The following CAD variants were observed in gnomAD, a reference collection of about 807,000 sequenced individuals.
CAD encodes the protein carbamoyl-phosphate synthetase 2, aspartate transcarbamylase, and dihydroorotase, also known as multifunctional protein CAD.
In CAD, 81 loss-of-function variants were observed where a neutral mutation model predicts 237.2. The observed-to-expected ratio is 0.34, with a 90% CI of 0.29 to 0.41. CAD has a LOEUF of 0.41. Ranked by LOEUF, CAD falls within the 10% of genes least tolerant of loss-of-function variation. The pLI is 1.00. For missense variants in CAD, 2,181 were observed against 2,951.7 expected (o/e 0.74, Z 6.05); for synonymous variants, 1,196 against 1,162.8 (o/e 1.03, Z -0.58).
rs1676137698 is a variant in CAD at position 27,238,543 on chromosome 2, GGGA to G, written c.4976_4978del (p.Glu1659del). On this transcript the variant is annotated inframe_deletion, in exon 31 of 44. Transcript: ENST00000264705. ...CTGGAGCGCCTGGGGCCTGGGAAGG[GGGA>G]GGTCCGGCCTGAGCTTGGCTCCCGC... 12 of 1,614,110 alleles carry G rather than the reference GGGA, an allele frequency of 7.4e-6. No individual in the cohort carries two copies. The East Asian group carries it at 2.7e-4, about 36-fold the overall frequency.
At chr2:27,219,436 G>A (rs1024707679) in intron 2 of CAD, among the ~76,000 whole-genome samples, 11 of 151,870 alleles carry the variant, frequency 7.2e-5, no homozygotes, top group Admixed American at 7.2e-4. Context: ...TCTGCCACCT[G>A]AGCTCAAGTA....
intron 15 of CAD, among the ~76,000 whole-genome samples, chr2:27,229,603 C>T (rs940347775): frequency 4.6e-5 from 7 of 152,054 alleles, no homozygotes; most frequent in African/African-American, 1.7e-4. Flanking sequence ...ATGGGCCGGG[C>T]GCGGTGGCTC....
chr2:27,219,171 G>A (rs991860104), intron 2 of CAD, among the ~76,000 whole-genome samples: 1 of 152,208 alleles, frequency 6.6e-6, no homozygotes. Flanking sequence ...CACCTGGCCA[G>A]GGAGGGTTCT....
In CAD at chr2:27,243,206, T is replaced by G. The variant is rs779321274; in HGVS notation, c.6489T>G (p.Gly2163=). The G allele has an allele frequency of 6.2e-7, 1 of 1,613,940 alleles. No homozygotes were observed. Among genetic ancestry groups the G allele is most frequent in the Non-Finnish European group, 8.5e-7 (1 of 1,179,998 alleles). ...CCCCATCTGCTTTGCAGTGCTTTGG[T>G]CAGTTCATCCTCACTCCCCACATCA... The part of the protein sequence containing the change: ...GSTQEYEACF[G]QFILTPHIMT... The change falls in exon 43 of 44, where the codon GGT becomes GGG. Residue 2163 remains glycine (G), a synonymous_variant. Transcript: ENST00000264705.
intron 11 of CAD, 142 bp from the exon 12 acceptor site, chr2:27,225,563 C>A: frequency 1.4e-6 from 1 of 695,090 alleles, no homozygotes; most frequent in Non-Finnish European, 2.5e-6. Context: ...CCCCGACCCT[C>A]GGCCTCCCAA....
intron 42 of CAD, 112 bp downstream of exon 42, chr2:27,243,085 C>T: frequency 7.5e-7 from 1 of 1,327,254 alleles, no homozygotes; most frequent in East Asian, 2.3e-5. Context: ...TCACATCTGT[C>T]AATTGCCATA....
At position 27,223,017 on chromosome 2, in the gene CAD, G is replaced by A. The variant is rs766455326; in HGVS notation, c.789G>A (p.Gly263=). 2 of 1,614,074 alleles carry A rather than the reference G, an allele frequency of 1.2e-6. No homozygotes were observed. The highest frequency in any genetic ancestry group is 1.3e-5 in the African/African-American group (1 of 74,926). Residue 263 remains glycine, a synonymous_variant, in exon 6 of 44, where the codon GGG becomes GGA. Transcript: ENST00000264705. ...LGHQLLALAI[G]AKTYKMRYGN... is the part of the protein sequence containing the mutation. ...ACCAGCTATTGGCCTTAGCCATTGG[G>A]GCCAAGACTTACAAGATGAGGTGGG...
intron 3 of CAD, 143 bp downstream of exon 3, chr2:27,221,490 A>G: frequency 1.3e-6 from 1 of 781,250 alleles, no homozygotes. Flanking sequence ...GGGAGAAAGA[A>G]TTGAACTATC....
Position 27,241,127 on chromosome 2 carries a change from A to G in CAD, c.5708A>G (p.Asn1903Ser). 22 of 1,610,398 alleles carry G rather than the reference A, an allele frequency of 1.4e-5. No homozygotes were observed. The highest frequency in any genetic ancestry group is 1.9e-5 in the Non-Finnish European group (22 of 1,178,464). ...PPVPRQASPQ[N>S]LGTPGLLHPQ... ...GTACCGAGACAGGCATCTCCCCAGA[A>G]CCTGGGGACCCCTGGCTTGCTGCAC... The change falls in exon 37 of 44, where the codon AAC becomes AGC. Residue 1903 changes from asparagine to serine, a missense_variant. Coordinates refer to ENST00000264705, the MANE Select transcript of CAD (RefSeq NM_004341.5). This position sits in a 1 kb window ranked among gnomAD's most constrained non-coding sequence, Gnocchi z 4.6.
At chr2:27,234,345 A>C in intron 22 of CAD, 119 bp downstream of exon 22, 1 of 1,180,404 alleles carries the variant, frequency 8.5e-7, no homozygotes, top group South Asian at 1.3e-5. Context: ...GGGAAGCTGG[A>C]GGGAAAGGGC....
Position 27,217,408 on chromosome 2 carries a change from C to T in CAD, c.-144C>T, listed in dbSNP as rs1674914270. ...CCGCCAAGCGCGCCCGAGGCTCCTA[C>T]GCTGCCGCGCCCGGCTTCTCTCCAG... is the stretch of plus-strand genomic sequence containing the variant. On this transcript the variant is annotated 5_prime_UTR_variant, in exon 1 of 44. It adds an upstream start codon to the 5' untranslated region. Coordinates refer to ENST00000264705, the MANE Select transcript of CAD (RefSeq NM_004341.5). The T allele has an allele frequency of 5.4e-6, 4 of 747,660 alleles. No individual in the cohort carries two copies. In the East Asian group the frequency reaches 8.6e-5, roughly 16 times the overall value. 46.3% of individuals were successfully genotyped at this position (747,660 alleles called of 1,614,324 possible).
Position 27,239,611 on chromosome 2 carries a change from G to A in CAD, c.5395-86G>A. On this transcript the variant is annotated intron_variant, in intron 33 of 43. Transcript: ENST00000264705. The surrounding 1 kb of genome is among the most constrained non-coding windows in gnomAD (Gnocchi z 4.0). ...GGGGTTGGGGGCACAGCTCCCCCAA[G>A]GTGCTTTTTGTCCTTGCTGACATCT... 1 of 1,478,634 alleles carries A rather than the reference G, an allele frequency of 6.8e-7. No homozygotes were observed. Among genetic ancestry groups the A allele is most frequent in the Non-Finnish European group, 9.3e-7 (1 of 1,076,608 alleles). 91.6% of individuals were successfully genotyped at this position (1,478,634 alleles called of 1,614,324 possible).
At chr2:27,222,716 A>G (rs879777389) in intron 5 of CAD, 56 bp downstream of exon 5, 62 of 1,598,636 alleles carry the variant, frequency 3.9e-5, no homozygotes, top group African/African-American at 2.4e-4. Flanking sequence ...TGGAAGATCT[A>G]TCCCTTGGTC....
Position 27,242,057 on chromosome 2 carries a change from C to T in CAD, c.6030C>T (p.Ser2010=), listed in dbSNP as rs1350966533. ...SVQKGESLAD[S]VQTMSCYADV... Reference sequence around the variant, plus strand: ...AGAAGGGCGAATCCCTGGCTGACTCCGTGCAGACCATGAGCTGCTATGCCG... The same window carrying T: ...AGAAGGGCGAATCCCTGGCTGACTCTGTGCAGACCATGAGCTGCTATGCCG... The change falls in exon 39 of 44, where the codon TCC becomes TCT. Residue 2010 remains serine (S), a synonymous_variant. Coordinates refer to ENST00000264705, the MANE Select transcript of CAD (RefSeq NM_004341.5). This position sits in a 1 kb window ranked among gnomAD's most constrained non-coding sequence, Gnocchi z 6.4. 4.7e-5 allele frequency: 76 copies of T among 1,613,232 alleles called. No individual in the cohort carries two copies. Among genetic ancestry groups the T allele is most frequent in the East Asian group, 1.8e-4 (8 of 44,890 alleles).
intron 9 of CAD, 35 bp from the exon 10 acceptor site, chr2:27,224,708 TTC>T (rs1198882398): frequency 6.2e-7 from 1 of 1,614,026 alleles, no homozygotes; most frequent in Admixed American, 1.7e-5. Context: ...ATTTTGCTTC[TTC>T]AGCAGAGGCT....
At chr2:27,229,384 A>G (rs79440432) in intron 15 of CAD, among the ~76,000 whole-genome samples, 1 of 151,972 alleles carries the variant, frequency 6.6e-6, no homozygotes, top group South Asian at 2.1e-4. Flanking sequence ...CTCCCACCCC[A>G]TCCTTCTGAG....
Position 27,241,456 on chromosome 2 carries a change from G to T in CAD, c.5883+60G>T, listed in dbSNP as rs375021898. The T allele has an allele frequency of 3.3e-6, 5 of 1,506,956 alleles. No homozygotes were observed. The highest frequency in any genetic ancestry group is 3.7e-6 in the Non-Finnish European group (4 of 1,083,714). The allele number at this position is 1,506,956 out of a possible 1,614,324, so 93.3% of individuals were successfully genotyped here. A position where few individuals can be genotyped will look rare whatever the true frequency, so the allele number is the denominator to read the frequency against. On this transcript the variant is annotated intron_variant, in intron 38 of 43. Transcript: ENST00000264705. The surrounding 1 kb of genome is among the most constrained non-coding windows in gnomAD (Gnocchi z 4.6). ...TCGCCTGCCCTTGGGCCGCATCAGC[G>T]CAGGGCCGCGCAGTGGTCAGAGTGG...
Position 27,242,685 on chromosome 2 carries a change from G to A in CAD, c.6288G>A (p.Gln2096=). Residue 2096 remains glutamine (Q), a synonymous_variant, in exon 41 of 44, where the codon CAG becomes CAA. Transcript: ENST00000264705. The surrounding 1 kb of genome is among the most constrained non-coding windows in gnomAD (Gnocchi z 6.4). ...TVHSLACLLT[Q]YRVSLRYVAP... The stretch of plus-strand genomic sequence containing the variant: ...ATTCCCTGGCCTGCCTGCTCACCCA[G>A]TATCGTGTCAGCCTGCGCTACGTGG... 1 of 1,613,998 alleles carries A rather than the reference G, an allele frequency of 6.2e-7. No individual in the cohort carries two copies. The highest frequency in any genetic ancestry group is 8.5e-7 in the Non-Finnish European group (1 of 1,179,932).
In CAD at chr2:27,243,572, C is replaced by G. The variant is rs540155751; in HGVS notation, c.*54C>G. 71 of 1,343,090 alleles carry G rather than the reference C, an allele frequency of 5.3e-5. 1 individual carries two copies. In the South Asian group the frequency reaches 8.2e-4, roughly 15 times the overall value. 83.2% of individuals were successfully genotyped at this position (1,343,090 alleles called of 1,614,324 possible). Reference sequence around the variant, plus strand: ...AGGCCCAGCTGCTGGGCAAGGAATTCCAGTGCCTCCTACGGGGGCAGCACA... The same window carrying G: ...AGGCCCAGCTGCTGGGCAAGGAATTGCAGTGCCTCCTACGGGGGCAGCACA... On this transcript the variant is annotated 3_prime_UTR_variant, in exon 44 of 44. Transcript: ENST00000264705.
Sources: allele counts gnomAD v4.1 joint callset (sites outside exome capture counted in the v4.1 genomes callset), GRCh38; gene constraint gnomAD v4.1.1; non-coding constraint Gnocchi (gnomAD v3.1); transcripts MANE v1.5; gene names NCBI Gene and HGNC (gene_info 2026-07-23, HGNC 2026-07-21).